The following CHRM3 variants were observed in gnomAD, a reference collection of about 807,000 sequenced individuals.
The protein encoded by CHRM3 is cholinergic receptor muscarinic 3.
CHRM3 carries 11 observed loss-of-function variants against 41.8 expected under a neutral mutation model. The observed-to-expected ratio is 0.26, with a 90% CI of 0.17 to 0.44. The LOEUF is 0.44. Among genes scored for constraint, CHRM3 ranks in the 20% least tolerant of loss-of-function variants. The pLI is 1.00. For synonymous variants in CHRM3, 297 were observed against 301.4 expected (o/e 0.99, Z 0.15); for missense variants, 571 against 745.4 (o/e 0.77, Z 2.72).
At chr1:239,538,346 G>T (rs1658409176) in intron 2 of CHRM3, among the ~76,000 whole-genome samples, 2 of 151,978 alleles carry the variant, frequency 1.3e-5, no homozygotes, top group African/African-American at 4.8e-5. Flanking sequence ...CTCTCTGTTG[G>T]CCGTTTGCCC....
At chr1:239,413,364 G>A (rs993725484) in intron 1 of CHRM3, among the ~76,000 whole-genome samples, 4 of 151,930 alleles carry the variant, frequency 2.6e-5, no homozygotes, top group Non-Finnish European at 4.4e-5. Flanking sequence ...ATCTTAGCTC[G>A]CTGCAACCTC....
At chr1:239,408,538 A>G (rs183462214) in intron 1 of CHRM3, among the ~76,000 whole-genome samples, 1 of 151,190 alleles carries the variant, frequency 6.6e-6, no homozygotes, top group Non-Finnish European at 1.5e-5. Flanking sequence ...AAAAAAAAAA[A>G]AAAAAACTCT....
rs1669931100 is a variant in CHRM3 at position 239,632,213 on chromosome 1, T to C, written c.-312-11T>C. 1 of 152,250 alleles carries C rather than the reference T, an allele frequency of 6.6e-6. No individual in the cohort carries two copies. The allele number at this position is 152,250 out of a possible 1,614,324, so 9.4% of individuals were successfully genotyped here. On this transcript the variant is annotated splice_polypyrimidine_tract_variant and intron_variant, in intron 3 of 6. Coordinates refer to ENST00000676153, the MANE Select transcript of CHRM3 (RefSeq NM_001375978.1). ...TCCCATATTTTTGTTTGTTTGTTTG[T>C]TCTTTTCTAGCACTTGTGTTCTGAT...
At chr1:239,883,016 A>G (rs1677774284) in intron 6 of CHRM3, among the ~76,000 whole-genome samples, 1 of 152,234 alleles carries the variant, frequency 6.6e-6, no homozygotes, top group Non-Finnish European at 1.5e-5. Context: ...AGAAATACAT[A>G]TCTAAGTGTT....
intron 3 of CHRM3, among the ~76,000 whole-genome samples, chr1:239,615,522 G>A (rs1045468184): frequency 3.9e-5 from 6 of 152,130 alleles, no homozygotes; most frequent in African/African-American, 1.4e-4. Flanking sequence ...TTATTAGAAT[G>A]CATTCATTGT....
chr1:239,655,231 C>T (rs1292046125), intron 4 of CHRM3, among the ~76,000 whole-genome samples: 2 of 152,208 alleles, frequency 1.3e-5, no homozygotes, highest in East Asian at 3.9e-4. Flanking sequence ...TAAGGTCTCC[C>T]AGACCCCAGT....
At chr1:239,634,817 C>A (rs1174402295) in intron 4 of CHRM3, among the ~76,000 whole-genome samples, 1 of 152,056 alleles carries the variant, frequency 6.6e-6, no homozygotes, top group Non-Finnish European at 1.5e-5. Flanking sequence ...AATCTTTTGG[C>A]TGGAAAATAA....
intron 5 of CHRM3, among the ~76,000 whole-genome samples, chr1:239,770,060 A>T (rs1170608606): frequency 1.3e-5 from 2 of 152,066 alleles, no homozygotes; most frequent in Non-Finnish European, 2.9e-5. Flanking sequence ...ATTCTGGAGC[A>T]CTCTGGTTTC....
At chr1:239,669,779 G>A (rs1217977332) in intron 4 of CHRM3, among the ~76,000 whole-genome samples, 2 of 152,128 alleles carry the variant, frequency 1.3e-5, no homozygotes, top group Admixed American at 1.3e-4. Flanking sequence ...ATTAAAAAAG[G>A]TTTTGAATAG....
chr1:239,865,066 A>G (rs903683233), intron 6 of CHRM3, among the ~76,000 whole-genome samples: 3 of 152,212 alleles, frequency 2.0e-5, no homozygotes, highest in Non-Finnish European at 4.4e-5. Flanking sequence ...ATAGTAGAAA[A>G]TGGAACCCAC....
At chr1:239,504,317 C>T (rs1310342167) in intron 2 of CHRM3, among the ~76,000 whole-genome samples, 1 of 152,114 alleles carries the variant, frequency 6.6e-6, no homozygotes. Flanking sequence ...TGAAAAAATA[C>T]TCAACATCAC....
At chr1:239,577,758 T>C (rs1178129659) in intron 3 of CHRM3, among the ~76,000 whole-genome samples, 1 of 152,180 alleles carries the variant, frequency 6.6e-6, no homozygotes, top group African/African-American at 2.4e-5. Flanking sequence ...TCCTATCAGA[T>C]TTATGTATTG....
At chr1:239,579,159 T>A (rs1662640837) in intron 3 of CHRM3, among the ~76,000 whole-genome samples, 2 of 152,236 alleles carry the variant, frequency 1.3e-5, no homozygotes, top group African/African-American at 4.8e-5. Context: ...TAGACCTTGT[T>A]AAATGCCTTC....
intron 5 of CHRM3, chr1:239,727,942 T>G (rs1035679494): frequency 4.6e-5 from 7 of 152,002 alleles, no homozygotes; most frequent in Admixed American, 2.0e-4. Context: ...ATTACACTTG[T>G]CGTGCTGTAA....
At chr1:239,424,201 C>T (rs1188509358) in intron 1 of CHRM3, among the ~76,000 whole-genome samples, 1 of 152,070 alleles carries the variant, frequency 6.6e-6, no homozygotes, top group East Asian at 1.9e-4. Flanking sequence ...TCCTAACATA[C>T]GACACGGCAA....
chr1:239,561,789 TC>T (rs1660888190), intron 3 of CHRM3, among the ~76,000 whole-genome samples: 1 of 152,176 alleles, frequency 6.6e-6, no homozygotes, highest in African/African-American at 2.4e-5. Flanking sequence ...TTGTTCACTT[TC>T]TTCTCAGAAC....
Position 239,885,459 on chromosome 1 carries a change from G to A in CHRM3, c.-19-21974G>A, listed in dbSNP as rs777366977. On this transcript the variant is annotated intron_variant, in intron 6 of 6. Transcript: ENST00000676153. Reference sequence around the variant, plus strand: ...CTGGTCTGGAAAATTGATGAGTCAAGTATATAGTGATCTAATTAAGTGAGT... The same window carrying A: ...CTGGTCTGGAAAATTGATGAGTCAAATATATAGTGATCTAATTAAGTGAGT... Among the ~76,000 whole-genome samples the A allele has an allele frequency of 1.6e-4, 25 of 152,144 alleles. 1 individual carries two copies. Among genetic ancestry groups the A allele is most frequent in the Non-Finnish European group, 2.9e-4 (20 of 68,030 alleles).
At chr1:239,661,239 C>T (rs1405361146) in intron 4 of CHRM3, among the ~76,000 whole-genome samples, 1 of 152,194 alleles carries the variant, frequency 6.6e-6, no homozygotes, top group East Asian at 1.9e-4. Context: ...ATGTCACATA[C>T]ATAGGCTGCT....
At chr1:239,828,918 T>C (rs984656509) in intron 6 of CHRM3, among the ~76,000 whole-genome samples, 3 of 152,174 alleles carry the variant, frequency 2.0e-5, no homozygotes, top group African/African-American at 7.2e-5. Flanking sequence ...TGGCTTGGAC[T>C]AAGATTTGGG....
Sources: allele counts gnomAD v4.1 joint callset (sites outside exome capture counted in the v4.1 genomes callset), GRCh38; gene constraint gnomAD v4.1.1; transcripts MANE v1.5; gene names NCBI Gene and HGNC (gene_info 2026-07-23, HGNC 2026-07-21).